The following INPP5A variants were observed in gnomAD, a reference collection of about 807,000 sequenced individuals.
INPP5A encodes 43 kDa inositol polyphosphate 5-phophatase.
A neutral mutation model predicts 65.2 loss-of-function variants in INPP5A; 14 were observed. The ratio of observed to expected loss-of-function variants is 0.21; its 90% CI spans 0.14 to 0.34. INPP5A has a LOEUF of 0.34. INPP5A is among the 10% of genes least tolerant of loss of function. INPP5A has a pLI of 1.00. For missense variants in INPP5A, 431 were observed against 545.6 expected, an observed-to-expected ratio of 0.79 and a Z score of 2.09; for synonymous variants, 207 against 208.3, an observed-to-expected ratio of 0.99 and a Z score of 0.05.
At chr10:132,691,382 C>T (rs1230157857) in intron 5 of INPP5A, among the ~76,000 whole-genome samples, 4 of 152,204 alleles carry the variant, frequency 2.6e-5, no homozygotes, top group Non-Finnish European at 5.9e-5. Context: ...GTGGCGCTCT[C>T]CGCTCCGTTT....
chr10:132,760,915 C>T (rs375591948), intron 11 of INPP5A, among the ~76,000 whole-genome samples: 4 of 152,158 alleles, frequency 2.6e-5, no homozygotes, highest in East Asian at 1.9e-4. Flanking sequence ...ACTGTAAACG[C>T]GGGGAGAGGG....
At chr10:132,712,494 G>C (rs779958710) in intron 8 of INPP5A, among the ~76,000 whole-genome samples, 37 of 150,430 alleles carry the variant, frequency 2.5e-4, no homozygotes, top group Non-Finnish European at 4.6e-4. Flanking sequence ...ATGTCTATTT[G>C]GGTGTGTGCA....
chr10:132,726,958 GA>G, intron 9 of INPP5A, 53 bp downstream of exon 9: 1 of 1,312,444 alleles, frequency 7.6e-7, no homozygotes. Flanking sequence ...CTGTGTTGAG[GA>G]AAACAGTGGA....
At chr10:132,567,550 AGCCAG>A (rs1395904658) in intron 1 of INPP5A, among the ~76,000 whole-genome samples, 3 of 152,156 alleles carry the variant, frequency 2.0e-5, no homozygotes, top group African/African-American at 7.2e-5. Context: ...CGTTTGTCAG[AGCCAG>A]GATGGTAACA....
At chr10:132,558,810 G>A (rs1157480618) in intron 1 of INPP5A, among the ~76,000 whole-genome samples, 1 of 152,242 alleles carries the variant, frequency 6.6e-6, no homozygotes, top group Non-Finnish European at 1.5e-5. Context: ...TGTGGCTTTT[G>A]AAGCCGGCAG....
In INPP5A at chr10:132,587,968, C is replaced by T. The variant is rs1375289365; in HGVS notation, c.76-19947C>T. Among the ~76,000 whole-genome samples the T allele has an allele frequency of 2.2e-5, 3 of 138,472 alleles. No individual in the cohort carries two copies. The highest frequency in any genetic ancestry group is 4.6e-5 in the Non-Finnish European group (3 of 65,422). 90.8% of individuals were successfully genotyped at this position (138,472 alleles called of 152,430 possible). A position where few individuals can be genotyped will look rare whatever the true frequency, so the allele number is the denominator to read the frequency against. On this transcript the variant is annotated intron_variant, in intron 1 of 15. Transcript: ENST00000368594. This position sits in a 1 kb window ranked among gnomAD's most constrained non-coding sequence, Gnocchi z 4.3. ...CGGAGGTTGCAGTGAGCCAAGATGG[C>T]GCCATTGCCCTCCAGCCTGGGCAAC...
intron 9 of INPP5A, among the ~76,000 whole-genome samples, chr10:132,746,472 T>A (rs7071777): frequency 0.17 from 26,232 of 152,110 alleles, 2,749 homozygotes; most frequent in Non-Finnish European, 0.24. Context: ...CACATCCGAA[T>A]GACTGCGTTA....
chr10:132,569,999 CAT>C, intron 1 of INPP5A, among the ~76,000 whole-genome samples: 1 of 143,958 alleles, frequency 6.9e-6, no homozygotes, highest in East Asian at 2.2e-4. Context: ...GGGGTTTCAC[CAT>C]ATTGGCCAGG....
rs112781574 is a variant in INPP5A at position 132,543,527 on chromosome 10, C to T, written c.75+5356C>T. 4.0e-3 allele frequency among the ~76,000 whole-genome samples: 602 copies of T among 152,328 alleles called. 3 individuals are homozygous for T. The highest frequency in any genetic ancestry group is 0.014 in the African/African-American group (581 of 41,554). On this transcript the variant is annotated intron_variant, in intron 1 of 15. Coordinates refer to ENST00000368594, the MANE Select transcript of INPP5A (RefSeq NM_005539.5). ...GACCTCCTGGCTTCAAGTGATCCTC[C>T]TGCCTTAGCCTCCTGAATAACGGGG...
At chr10:132,703,706 A>ACC (rs200245311) in intron 6 of INPP5A, among the ~76,000 whole-genome samples, 11 of 36,094 alleles carry the variant, frequency 3.0e-4, no homozygotes, top group African/African-American at 1.2e-3. Flanking sequence ...ATGCGGCTTC[A>ACC]CCCCCCCCAC....
chr10:132,621,735 C>T (rs971994585), intron 2 of INPP5A, among the ~76,000 whole-genome samples: 1 of 151,492 alleles, frequency 6.6e-6, no homozygotes, highest in Non-Finnish European at 1.5e-5. Context: ...TCTGTCTGTC[C>T]TTTGTCCATA....
rs372099827 is a variant in INPP5A at position 132,749,155 on chromosome 10, G to A, written c.733-362G>A. Among the ~76,000 whole-genome samples the A allele has an allele frequency of 1.3e-3, 199 of 152,392 alleles. 4 individuals are homozygous for A. The South Asian group carries it at 0.04, about 30-fold the overall frequency. On this transcript the variant is annotated intron_variant, in intron 9 of 15. Transcript: ENST00000368594. ...AGGGACGGGAGAGAGCGAGCGGGAG[G>A]AGGCCGGCCATGTGCCCCCGCAGGC...
rs1411627843 is a variant in INPP5A at position 132,555,733 on chromosome 10, C to G, written c.75+17562C>G. Among the ~76,000 whole-genome samples, 64 of 152,180 alleles carry G rather than the reference C, an allele frequency of 4.2e-4. No homozygotes were observed. The highest frequency in any genetic ancestry group is 4.2e-3 in the Admixed American group (64 of 15,280). ...AGTTTAGTTTTCGTGCAGAGTGACC[C>G]AGACAGGCACAACACTGACACACCT... On this transcript the variant is annotated intron_variant, in intron 1 of 15. Transcript: ENST00000368594. The surrounding 1 kb of genome is among the most constrained non-coding windows in gnomAD (Gnocchi z 4.4).
At position 132,596,850 on chromosome 10, in the gene INPP5A, T is replaced by TGTGA. The variant is rs113868516; in HGVS notation, c.76-11062_76-11061insAGTG. On this transcript the variant is annotated intron_variant, in intron 1 of 15. Coordinates refer to ENST00000368594, the MANE Select transcript of INPP5A (RefSeq NM_005539.5). ...TTGCTTGTGTGCGTGTGTGCATGCG[T>TGTGA]GTGTGTGCATGTGTGTGCATGTGTG... is the stretch of plus-strand genomic sequence containing the variant. Among the ~76,000 whole-genome samples, 592 of 119,032 alleles carry TGTGA rather than the reference T, an allele frequency of 5.0e-3. 3 individuals carry two copies. Among genetic ancestry groups the TGTGA allele is most frequent in the African/African-American group, 0.016 (566 of 35,642 alleles). The allele number at this position is 119,032 out of a possible 152,430, so 78.1% of individuals were successfully genotyped here.
At position 132,603,995 on chromosome 10, in the gene INPP5A, G is replaced by T. The variant is rs544201711; in HGVS notation, c.76-3920G>T. Among the ~76,000 whole-genome samples the T allele has an allele frequency of 5.9e-4, 85 of 144,312 alleles. No individual in the cohort carries two copies. The highest frequency in any genetic ancestry group is 6.1e-5 in the Non-Finnish European group (4 of 65,622). 94.7% of individuals were successfully genotyped at this position (144,312 alleles called of 152,430 possible). A position where few individuals can be genotyped will look rare whatever the true frequency, so the allele number is the denominator to read the frequency against. On this transcript the variant is annotated intron_variant, in intron 1 of 15. Transcript: ENST00000368594. The surrounding 1 kb of genome is among the most constrained non-coding windows in gnomAD (Gnocchi z 4.2). ...GCCGTCAGGGTCCCCTCTCCGTCCCGCCCTGTGCCGTCAGGGTCCCCTCTC... is the reference window on the plus strand; with the variant it reads ...GCCGTCAGGGTCCCCTCTCCGTCCCTCCCTGTGCCGTCAGGGTCCCCTCTC...
chr10:132,781,435 T>C (rs1477745650), intron 14 of INPP5A, among the ~76,000 whole-genome samples: 1 of 152,180 alleles, frequency 6.6e-6, no homozygotes, highest in Non-Finnish European at 1.5e-5. Context: ...ATAAATGAGT[T>C]AGCTTCTTCC....
At chr10:132,563,249 G>C (rs973978924) in intron 1 of INPP5A, among the ~76,000 whole-genome samples, 1 of 152,234 alleles carries the variant, frequency 6.6e-6, no homozygotes, top group African/African-American at 2.4e-5. Context: ...CACAGTCCCT[G>C]GGGGCTGGCG....
In INPP5A at chr10:132,651,664, G is replaced by C. The variant is rs1393865556; in HGVS notation, c.306+1159G>C. On this transcript the variant is annotated intron_variant, in intron 4 of 15. Coordinates refer to ENST00000368594, the MANE Select transcript of INPP5A (RefSeq NM_005539.5). This position sits in a 1 kb window ranked among gnomAD's most constrained non-coding sequence, Gnocchi z 5.0. ...TCTCCCAGGTGGGCCCCCGTAGGCT[G>C]CAGTGCTGAGGGTCTCGCTCTCCAG... Among the ~76,000 whole-genome samples, 1 of 152,200 alleles carries C rather than the reference G, an allele frequency of 6.6e-6. No individual in the cohort carries two copies. Among genetic ancestry groups the C allele is most frequent in the Non-Finnish European group, 1.5e-5 (1 of 68,032 alleles).
chr10:132,720,892 C>T (rs1423670950), intron 8 of INPP5A, among the ~76,000 whole-genome samples: 1 of 150,034 alleles, frequency 6.7e-6, no homozygotes, highest in African/African-American at 2.5e-5. Flanking sequence ...TGGGTTCTGT[C>T]TGGGCGCCTT....
Sources: gnomAD v4.1 joint callset for allele counts (sites outside exome capture counted in the v4.1 genomes callset) on GRCh38, gnomAD v4.1.1 for gene constraint, Gnocchi (gnomAD v3.1) non-coding constraint, MANE v1.5 for transcripts, NCBI Gene and HGNC (gene_info 2026-07-23, HGNC 2026-07-21) for gene names.